NPHP4: variants seen among roughly 807,000 people sequenced by gnomAD.
The protein encoded by NPHP4 is nephrocystin 4, also known as nephrocystin-4.
A neutral mutation model predicts 155.8 loss-of-function variants in NPHP4; 151 were observed. That is an observed-to-expected ratio of 0.97 (90% CI 0.85 to 1.11). The LOEUF (loss-of-function observed/expected upper bound fraction) is 1.11, where lower values mean the gene tolerates loss of function less well. NPHP4 is among the 50% of genes least tolerant of loss of function. NPHP4 has a pLI of 0.00. For synonymous variants in NPHP4, 845 were observed against 816.8 expected (o/e 1.03, Z -0.59); for missense variants, 1,956 against 1,925.7 (o/e 1.02, Z -0.29).
intron 11 of NPHP4, among the ~76,000 whole-genome samples, chr1:5,919,796 G>C (rs1357466914): frequency 6.6e-6 from 1 of 151,876 alleles, no homozygotes; most frequent in African/African-American, 2.4e-5. Context: ...CTAGAGTACA[G>C]TGACGTGATC....
At chr1:5,916,621 C>T (rs1403872738) in intron 11 of NPHP4, among the ~76,000 whole-genome samples, 1 of 152,220 alleles carries the variant, frequency 6.6e-6, no homozygotes, top group African/African-American at 2.4e-5. Context: ...CTGGTCCTTC[C>T]AGTAACCAAG....
At chr1:5,933,019 T>C (rs1041822869) in intron 10 of NPHP4, 128 bp downstream of exon 10, 30 of 683,544 alleles carry the variant, frequency 4.4e-5, no homozygotes, top group African/African-American at 3.6e-5. Flanking sequence ...TCTAAAGGCA[T>C]ACCCATGACA....
At chr1:5,914,211 A>C (rs899503921) in intron 11 of NPHP4, among the ~76,000 whole-genome samples, 2 of 142,170 alleles carry the variant, frequency 1.4e-5, no homozygotes, top group African/African-American at 5.2e-5. Context: ...TTTTGAGTCC[A>C]GAAGTTCGAG....
At chr1:5,902,275 CAG>C (rs1319659680) in intron 16 of NPHP4, among the ~76,000 whole-genome samples, 1 of 152,234 alleles carries the variant, frequency 6.6e-6, no homozygotes, top group Non-Finnish European at 1.5e-5. Flanking sequence ...TCCAGGCATG[CAG>C]AGAGGCGAGG....
chr1:5,891,433 G>A (rs1045843270), intron 16 of NPHP4, among the ~76,000 whole-genome samples: 6 of 152,186 alleles, frequency 3.9e-5, no homozygotes, highest in Non-Finnish European at 5.9e-5. Flanking sequence ...AGCTCAAACC[G>A]AGATCAGGCT....
At chr1:5,942,146 C>T (rs949195880) in intron 9 of NPHP4, among the ~76,000 whole-genome samples, 8 of 152,140 alleles carry the variant, frequency 5.3e-5, no homozygotes, top group African/African-American at 1.9e-4. Context: ...CCCTTGCTCA[C>T]ACGGACCACT....
intron 11 of NPHP4, among the ~76,000 whole-genome samples, chr1:5,918,858 C>G (rs1645598271): frequency 6.6e-6 from 1 of 152,036 alleles, no homozygotes; most frequent in African/African-American, 2.4e-5. Context: ...GTCAAAAATC[C>G]CTTCAGTGGT....
chr1:5,896,348 A>C (rs1234521433), intron 16 of NPHP4, among the ~76,000 whole-genome samples: 1 of 152,236 alleles, frequency 6.6e-6, no homozygotes, highest in Non-Finnish European at 1.5e-5. Context: ...TGAATATCAA[A>C]CTGGAGCTAA....
intron 6 of NPHP4, among the ~76,000 whole-genome samples, chr1:5,957,628 A>G (rs369013548): frequency 4.4e-5 from 4 of 91,152 alleles, no homozygotes; most frequent in African/African-American, 1.1e-4. Context: ...CAACAGTGGG[A>G]TATTTAATTC....
chr1:5,902,729 C>T (rs898281171), intron 16 of NPHP4, among the ~76,000 whole-genome samples: 1 of 152,290 alleles, frequency 6.6e-6, no homozygotes, highest in African/African-American at 2.4e-5. Context: ...ACTGTAAATT[C>T]CCCTGTAATT....
In NPHP4 at chr1:5,916,919, G is replaced by C. The variant is rs534122514; in HGVS notation, c.1442-7706C>G. 4.6e-5 allele frequency among the ~76,000 whole-genome samples: 7 copies of C among 152,358 alleles called. No homozygotes were observed. In the East Asian group the frequency reaches 1.3e-3, roughly 29 times the overall value. ...CTTCGTCCTTCTCAAACAAAAGAAAGAGTCACAGGAACTACTCAAGTCTAT... is the reference window on the plus strand; with the variant it reads ...CTTCGTCCTTCTCAAACAAAAGAAACAGTCACAGGAACTACTCAAGTCTAT... On this transcript the variant is annotated intron_variant, in intron 11 of 29. Transcript: ENST00000378156.
chr1:5,900,692 G>A (rs1395143982), intron 16 of NPHP4, among the ~76,000 whole-genome samples: 1 of 152,144 alleles, frequency 6.6e-6, no homozygotes, highest in Non-Finnish European at 1.5e-5. Context: ...TGTAAACTAT[G>A]AGTTTAGTTC....
chr1:5,933,456 A>G (rs182479200), intron 9 of NPHP4, 127 bp from the exon 10 acceptor site: 1 of 741,034 alleles, frequency 1.3e-6, no homozygotes, highest in African/African-American at 1.7e-5. Context: ...AGGGATCATC[A>G]GTTGCATTTT....
In NPHP4 at chr1:5,905,118, C is replaced by T. The variant is rs1243471050; in HGVS notation, c.1955+174G>A. Among the ~76,000 whole-genome samples the T allele has an allele frequency of 6.6e-6, 1 of 152,142 alleles. No individual in the cohort carries two copies. Among genetic ancestry groups the T allele is most frequent in the Non-Finnish European group, 1.5e-5 (1 of 68,036 alleles). On this transcript the variant is annotated intron_variant, in intron 15 of 29. Transcript: ENST00000378156. This position sits in a 1 kb window ranked among gnomAD's most constrained non-coding sequence, Gnocchi z 4.0. ...AGATGGGGTAAAGCAGCTTTCACAG[C>T]ATTTAGCATGCTGTGGGTGGGTCCT...
chr1:5,865,006 G>C, intron 27 of NPHP4, 96 bp downstream of exon 27: 1 of 1,296,704 alleles, frequency 7.7e-7, no homozygotes, highest in Non-Finnish European at 1.1e-6. Context: ...AAAAGCTGCT[G>C]TCAGGGCCAC....
chr1:5,888,623 G>A (rs1327266717), intron 17 of NPHP4: 3 of 1,344,260 alleles, frequency 2.2e-6, no homozygotes, highest in Admixed American at 1.9e-5. Context: ...TTAGGGAACA[G>A]CCAACAAATA....
chr1:5,899,566 C>T (rs529770775), intron 16 of NPHP4, among the ~76,000 whole-genome samples: 7 of 152,312 alleles, frequency 4.6e-5, no homozygotes, highest in African/African-American at 1.4e-4. Context: ...GAGGTGGTTA[C>T]GCAGGTGTGT....
At chr1:5,964,941 A>ATATATATATATATATATTTTTTTTT in intron 5 of NPHP4, among the ~76,000 whole-genome samples, 3 of 59,410 alleles carry the variant, frequency 5.0e-5, no homozygotes, top group Non-Finnish European at 5.7e-5. Flanking sequence ...ATATATATAT[A>ATATATATATATATATATTTTTTTTT]TTTTTTTTTT....
chr1:5,960,861 C>T (rs1180560771), intron 6 of NPHP4, among the ~76,000 whole-genome samples: 1 of 152,160 alleles, frequency 6.6e-6, no homozygotes, highest in Non-Finnish European at 1.5e-5. Flanking sequence ...GAGCCCTTGT[C>T]CTTTAACACG....
Sources: gnomAD v4.1 joint callset for allele counts (sites outside exome capture counted in the v4.1 genomes callset) on GRCh38, gnomAD v4.1.1 for gene constraint, Gnocchi (gnomAD v3.1) non-coding constraint, MANE v1.5 for transcripts, NCBI Gene and HGNC (gene_info 2026-07-23, HGNC 2026-07-21) for gene names.